The following SLC5A11 variants were observed in gnomAD, a reference collection of about 807,000 sequenced individuals.
The protein encoded by SLC5A11 is sodium/myo-inositol cotransporter 2.
In SLC5A11, 48 loss-of-function variants were observed where a neutral mutation model predicts 69.8. The ratio of observed to expected loss-of-function variants is 0.69; its 90% CI spans 0.55 to 0.87. The LOEUF is 0.87. Among genes scored for constraint, SLC5A11 ranks in the 40% least tolerant of loss-of-function variants. The pLI, the probability that SLC5A11 is intolerant of heterozygous loss-of-function variation, is 0.00. For synonymous variants in SLC5A11, 319 were observed against 342.4 expected, an observed-to-expected ratio of 0.93 and a Z score of 0.75; for missense variants, 784 against 866.1, an observed-to-expected ratio of 0.91 and a Z score of 1.19.
At chr16:24,881,700 AAGGGCT>A (rs1225213308) in intron 7 of SLC5A11, among the ~76,000 whole-genome samples, 1 of 152,132 alleles carries the variant, frequency 6.6e-6, no homozygotes, top group Non-Finnish European at 1.5e-5. Context: ...AGGCTGAGAG[AAGGGCT>A]GCAGTAAACA....
At chr16:24,888,478 C>CTTTTTTT (rs891552223) in intron 8 of SLC5A11, among the ~76,000 whole-genome samples, 144 of 81,406 alleles carry the variant, frequency 1.8e-3, no homozygotes, top group African/African-American at 2.0e-3. Context: ...GTATCTATTT[C>CTTTTTTT]TTTTTTTTTT....
intron 1 of SLC5A11, among the ~76,000 whole-genome samples, chr16:24,856,437 A>G (rs1204816586): frequency 6.6e-6 from 1 of 151,752 alleles, no homozygotes; most frequent in Non-Finnish European, 1.5e-5. Context: ...AGCCTGGGGA[A>G]CATAGGGAAA....
intron 3 of SLC5A11, among the ~76,000 whole-genome samples, chr16:24,863,135 A>C (rs1201691444): frequency 6.8e-6 from 1 of 147,962 alleles, no homozygotes; most frequent in African/African-American, 2.5e-5. Flanking sequence ...TATATGTATA[A>C]TCACAACCTT....
In SLC5A11 at chr16:24,890,957, G is replaced by C. The variant is rs747774032; in HGVS notation, c.753G>C (p.Gly251=). ...ACCGGAGTGAGAACAGCAGCTGCGG[G>C]CTGCCCCGGGAAGATGCCTTCCATA... Residue 251 remains glycine (G), a synonymous_variant, in exon 9 of 16, where the codon GGG becomes GGC. Coordinates refer to ENST00000347898, the Ensembl canonical transcript of SLC5A11. 4 of 1,614,152 alleles carry C rather than the reference G, an allele frequency of 2.5e-6. No individual in the cohort carries two copies. In the South Asian group the frequency reaches 4.4e-5, roughly 18 times the overall value.
rs185164635 is a variant in SLC5A11 at position 24,881,454 on chromosome 16, C to T, written c.584-2597C>T. Among the ~76,000 whole-genome samples the T allele has an allele frequency of 6.6e-3, 995 of 151,888 alleles. 5 individuals are homozygous for T. Among genetic ancestry groups the T allele is most frequent in the Non-Finnish European group, 0.01 (680 of 67,952 alleles). ...GGTGCCAGTCACTATGCCCGGCTAA[C>T]GTTTGTATTTTATGGTAGAGAAAGG... is the stretch of plus-strand genomic sequence containing the variant. On this transcript the variant is annotated intron_variant, in intron 7 of 15. Coordinates refer to ENST00000347898, the Ensembl canonical transcript of SLC5A11.
chr16:24,864,606 A>C (rs2046803162), intron 3 of SLC5A11, among the ~76,000 whole-genome samples: 1 of 152,214 alleles, frequency 6.6e-6, no homozygotes, highest in Non-Finnish European at 1.5e-5. Flanking sequence ...AAACCCAAGA[A>C]AGTATGGTCC....
intron 1 of SLC5A11, among the ~76,000 whole-genome samples, chr16:24,856,116 A>G (rs1264125636): frequency 2.6e-5 from 4 of 152,168 alleles, no homozygotes; most frequent in African/African-American, 9.7e-5. Context: ...TTCAAAATGT[A>G]TGAGAGCATT....
chr16:24,877,355 C>T lies in SLC5A11; in HGVS notation c.575C>T (p.Thr192Met), dbSNP rs201071374. 1.7e-4 allele frequency: 277 copies of T among 1,613,022 alleles called. No homozygotes were observed. Among genetic ancestry groups the T allele is most frequent in the Non-Finnish European group, 2.2e-4 (256 of 1,179,156 alleles). The change falls in exon 7 of 16, where the codon ACG becomes ATG. Residue 192 changes from threonine to methionine, a missense_variant. Physicochemically the swap from Thr to Met is moderately conservative, Grantham distance 81. This residue lies in a region of SLC5A11 where 101 missense variants were observed against 152.4 expected (regional missense o/e 0.66). Transcript: ENST00000347898. ...CTACTGGCCATCACTGCTGTATACA[C>T]GGTTGCTGGTAAGACTGAACAAAGG...
At chr16:24,868,400 C>T (rs933941104) in intron 3 of SLC5A11, among the ~76,000 whole-genome samples, 20 of 147,918 alleles carry the variant, frequency 1.4e-4, no homozygotes, top group African/African-American at 2.0e-4. Flanking sequence ...ACCATCCTGG[C>T]GAACACGGTG....
At chr16:24,849,593 A>AAAAAAAAAAAAAAAAAAAAATATATAT in intron 1 of SLC5A11, among the ~76,000 whole-genome samples, 1 of 35,922 alleles carries the variant, frequency 2.8e-5, no homozygotes, top group Non-Finnish European at 5.6e-5. Context: ...AAAAAAAAAA[A>AAAAAAAAAAAAAAAAAAAAATATATAT]ATATATATAT....
At chr16:24,905,638 G>GTGCA (rs1555534419) in intron 10 of SLC5A11, among the ~76,000 whole-genome samples, 159 of 70,284 alleles carry the variant, frequency 2.3e-3, no homozygotes, top group Admixed American at 5.7e-3. Context: ...ACGCGCGCGC[G>GTGCA]CGCACACACA....
chr16:24,869,421 A>T (rs145163555), intron 3 of SLC5A11, among the ~76,000 whole-genome samples: 1 of 152,256 alleles, frequency 6.6e-6, no homozygotes, highest in African/African-American at 2.4e-5. Flanking sequence ...GACCAGGGAG[A>T]CCAGGGATTG....
chr16:24,900,750 C>G (rs1169379633), intron 10 of SLC5A11, among the ~76,000 whole-genome samples: 1 of 151,818 alleles, frequency 6.6e-6, no homozygotes, highest in Non-Finnish European at 1.5e-5. Flanking sequence ...CGCTCTCTAC[C>G]AAAAACAATT....
chr16:24,906,252 A>G (rs2050049236), intron 10 of SLC5A11, among the ~76,000 whole-genome samples: 1 of 151,826 alleles, frequency 6.6e-6, no homozygotes, highest in Non-Finnish European at 1.5e-5. Flanking sequence ...GAGGCAGGAG[A>G]ATCACTTGAA....
intron 1 of SLC5A11, among the ~76,000 whole-genome samples, chr16:24,858,055 A>T (rs970865638): frequency 1.3e-5 from 2 of 152,182 alleles, no homozygotes. Context: ...TCTCAACTTC[A>T]CCATCTGTAA....
exon 14 of SLC5A11, chr16:24,908,905 G>A (rs1354421862): frequency 1.2e-6 from 2 of 1,613,878 alleles, no homozygotes; most frequent in Non-Finnish European, 8.5e-7. Flanking sequence ...CCTGATCTCG[G>A]GCCTGCTCCT....
intron 3 of SLC5A11, among the ~76,000 whole-genome samples, chr16:24,864,810 A>AT (rs61559358): frequency 0.17 from 25,669 of 151,798 alleles, 2,570 homozygotes; most frequent in African/African-American, 0.28. Context: ...AAAGAGATAG[A>AT]TTTTTTTTTA....
At chr16:24,861,037 G>A (rs2059750489) in intron 2 of SLC5A11, among the ~76,000 whole-genome samples, 1 of 151,922 alleles carries the variant, frequency 6.6e-6, no homozygotes, top group Non-Finnish European at 1.5e-5. Flanking sequence ...ATCTTACAAT[G>A]AATGAGGTTG....
chr16:24,899,565 G>A (rs166666), intron 10 of SLC5A11, among the ~76,000 whole-genome samples: 31,595 of 151,804 alleles, frequency 0.21, 4,004 homozygotes, highest in South Asian at 0.42. Flanking sequence ...CACCATGCCC[G>A]GCTAATTTTT....
Sources: allele counts gnomAD v4.1 joint callset (sites outside exome capture counted in the v4.1 genomes callset), GRCh38; gene constraint gnomAD v4.1.1; regional missense constraint gnomAD v4.1.1; transcripts MANE v1.5; gene names NCBI Gene and HGNC (gene_info 2026-07-23, HGNC 2026-07-21).